The following LRP3 variants were observed in gnomAD, a reference collection of about 807,000 sequenced individuals.
LRP3 encodes low-density lipoprotein receptor-related protein 3.
In LRP3, 49 loss-of-function variants were observed where a neutral mutation model predicts 58.5. The observed-to-expected ratio is 0.84, with a 90% CI of 0.67 to 1.06. The LOEUF (loss-of-function observed/expected upper bound fraction) is 1.06, where lower values mean the gene tolerates loss of function less well. Among genes scored for constraint, LRP3 ranks in the 50% least tolerant of loss-of-function variants. The probability of loss-of-function intolerance (pLI) is 0.00; values close to 1 mark genes in which losing one functional copy is unlikely to be tolerated. For missense variants in LRP3, 1,019 were observed against 1,134.2 expected (o/e 0.90, Z 1.46); for synonymous variants, 485 against 492.2 (o/e 0.99, Z 0.20).
At position 33,206,037 on chromosome 19, in the gene LRP3, TG is replaced by T. The variant is rs1244195126; in HGVS notation, c.1268del (p.Cys423SerfsTer115). On this transcript the variant is annotated frameshift_variant, in exon 5 of 7. Coordinates refer to ENST00000253193, the MANE Select transcript of LRP3 (RefSeq NM_002333.4). LOFTEE classifies it high-confidence loss of function. ...CPACPPDQYP[C>X]EGGSGLCYTP... ...TGCCTGCCCGCCCGACCAGTACCCCTGCGAGGGTGGCAGTGGTCTGTGCTAC... is the reference window on the plus strand; with the variant it reads ...TGCCTGCCCGCCCGACCAGTACCCCTCGAGGGTGGCAGTGGTCTGTGCTAC... 1 of 1,594,616 alleles carries T rather than the reference TG, an allele frequency of 6.3e-7. No individual in the cohort carries two copies.
chr19:33,201,032 G>T (rs1165006392), intron 2 of LRP3, among the ~76,000 whole-genome samples: 1 of 152,208 alleles, frequency 6.6e-6, no homozygotes, highest in Non-Finnish European at 1.5e-5. Flanking sequence ...TCAGCTCTCA[G>T]CTCATGGCTC....
intron 1 of LRP3, 52 bp from the exon 2 acceptor site, chr19:33,196,678 G>A: frequency 1.3e-6 from 2 of 1,559,892 alleles, no homozygotes; most frequent in Non-Finnish European, 1.8e-6. Flanking sequence ...GGCTGCTGCT[G>A]GTCCCCAGCA....
rs1278500236 is a variant in LRP3 at position 33,205,913 on chromosome 19, T to A, written c.1143T>A (p.Ser381Arg). Residue 381 changes from serine (S) to arginine (R), a missense_variant, in exon 5 of 7, where the codon AGT becomes AGA. Coordinates refer to ENST00000253193, the MANE Select transcript of LRP3 (RefSeq NM_002333.4). ...WEQPCGSSSD[S>R]DGGSLGDQGC... is the part of the protein sequence containing the mutation. ...AGCCGTGCGGGAGCAGTAGTGACAG[T>A]GACGGGGGCAGCCTGGGCGACCAGG... is the stretch of plus-strand genomic sequence containing the variant. 9 of 1,604,628 alleles carry A rather than the reference T, an allele frequency of 5.6e-6. No individual in the cohort carries two copies. The highest frequency in any genetic ancestry group is 2.7e-5 in the African/African-American group (2 of 74,790).
rs1043146030 is a variant in LRP3 at position 33,208,613 on chromosome 19, C to T, written c.*1038C>T. 4.4e-5 allele frequency: 22 copies of T among 505,296 alleles called. No individual in the cohort carries two copies. The highest frequency in any genetic ancestry group is 4.1e-4 in the East Asian group (11 of 26,906). 31.3% of individuals were successfully genotyped at this position (505,296 alleles called of 1,614,324 possible). A position where few individuals can be genotyped will look rare whatever the true frequency, so the allele number is the denominator to read the frequency against. ...CAACATGTGTGCACCCACCGAGGTACGCCCCAGCCACTCCCATCTGTGCCC... is the reference window on the plus strand; with the variant it reads ...CAACATGTGTGCACCCACCGAGGTATGCCCCAGCCACTCCCATCTGTGCCC... On this transcript the variant is annotated 3_prime_UTR_variant, in exon 7 of 7. Transcript: ENST00000253193. The surrounding 1 kb of genome is among the most constrained non-coding windows in gnomAD (Gnocchi z 4.7).
rs1225926698 is a variant in LRP3 at position 33,194,748 on chromosome 19, G to C, written c.-38G>C. On this transcript the variant is annotated 5_prime_UTR_variant, in exon 1 of 7. Coordinates refer to ENST00000253193, the MANE Select transcript of LRP3 (RefSeq NM_002333.4). ...CAGCCGGAACCGGAGCCGGAGCCGC[G>C]GGGCAGGAGGCGGCGCCCGCGGGCG... The C allele has an allele frequency of 4.0e-6, 3 of 752,740 alleles. No homozygotes were observed. Among genetic ancestry groups the C allele is most frequent in the East Asian group, 1.4e-4 (1 of 6,976 alleles). The allele number at this position is 752,740 out of a possible 1,614,324, so 46.6% of individuals were successfully genotyped here.
At position 33,208,854 on chromosome 19, in the gene LRP3, G is replaced by A. The variant is rs1201611578; in HGVS notation, c.*1279G>A. The A allele has an allele frequency of 5.2e-6, 8 of 1,540,022 alleles. No individual in the cohort carries two copies. The highest frequency in any genetic ancestry group is 3.5e-5 in the Admixed American group (2 of 57,482). The stretch of plus-strand genomic sequence containing the variant: ...AAAACACCTCCTCAATAAACAACAT[G>A]TAAACAGAAACAACTGCTTCAGTCT... On this transcript the variant is annotated 3_prime_UTR_variant, in exon 7 of 7. Coordinates refer to ENST00000253193, the MANE Select transcript of LRP3 (RefSeq NM_002333.4). This position sits in a 1 kb window ranked among gnomAD's most constrained non-coding sequence, Gnocchi z 4.7.
intron 2 of LRP3, among the ~76,000 whole-genome samples, chr19:33,201,654 G>A (rs1198712811): frequency 6.6e-6 from 1 of 152,144 alleles, no homozygotes; most frequent in Non-Finnish European, 1.5e-5. Flanking sequence ...TCGGGAAAGG[G>A]GTCGTCCCTC....
At chr19:33,198,333 C>T (rs879713389) in intron 2 of LRP3, among the ~76,000 whole-genome samples, 33 of 152,314 alleles carry the variant, frequency 2.2e-4, no homozygotes, top group Middle Eastern at 3.4e-3. Context: ...CAAACTCCAA[C>T]GGCTGCTGTT....
At chr19:33,199,213 C>T (rs1169409533) in intron 2 of LRP3, among the ~76,000 whole-genome samples, 1 of 152,200 alleles carries the variant, frequency 6.6e-6, no homozygotes, top group African/African-American at 2.4e-5. Flanking sequence ...CACAGCCTGT[C>T]ATGAACCTCA....
At chr19:33,196,987 A>G (rs1974292725) in intron 2 of LRP3, among the ~76,000 whole-genome samples, 1 of 152,138 alleles carries the variant, frequency 6.6e-6, no homozygotes, top group Non-Finnish European at 1.5e-5. Context: ...AACAAGGTCT[A>G]CTCAAAACCT....
Position 33,208,637 on chromosome 19 carries a change from C to T in LRP3, c.*1062C>T. Reference sequence around the variant, plus strand: ...ACGCCCCAGCCACTCCCATCTGTGCCCATCAGGGACTCCCCATAGCACGAG... The same window carrying T: ...ACGCCCCAGCCACTCCCATCTGTGCTCATCAGGGACTCCCCATAGCACGAG... On this transcript the variant is annotated 3_prime_UTR_variant, in exon 7 of 7. Transcript: ENST00000253193. This position sits in a 1 kb window ranked among gnomAD's most constrained non-coding sequence, Gnocchi z 4.7. 1.8e-6 allele frequency: 1 copy of T among 547,696 alleles called. No individual in the cohort carries two copies. Among genetic ancestry groups the T allele is most frequent in the Non-Finnish European group, 3.2e-6 (1 of 308,312 alleles). 33.9% of individuals were successfully genotyped at this position (547,696 alleles called of 1,614,324 possible).
rs1555731375 is a variant in LRP3, at chr19:33,208,758, T to TC, written c.*1183_*1184insC. ...CCCAGTCCACATTTTAGGGCTTCCT[T>TC]AAACAGGCTTCTGAGAGTCGTATCT... On this transcript the variant is annotated 3_prime_UTR_variant, in exon 7 of 7. Coordinates refer to ENST00000253193, the MANE Select transcript of LRP3 (RefSeq NM_002333.4). The surrounding 1 kb of genome is among the most constrained non-coding windows in gnomAD (Gnocchi z 4.7). 4 of 1,260,668 alleles carry TC rather than the reference T, an allele frequency of 3.2e-6. No homozygotes were observed. The East Asian group carries it at 9.9e-5, about 31-fold the overall frequency. The allele number at this position is 1,260,668 out of a possible 1,614,324, so 78.1% of individuals were successfully genotyped here.
At chr19:33,201,100 G>C (rs896968000) in intron 2 of LRP3, among the ~76,000 whole-genome samples, 3 of 152,344 alleles carry the variant, frequency 2.0e-5, no homozygotes, top group Middle Eastern at 3.4e-3. Context: ...CATCTCTGGA[G>C]CACCTGCCAT....
Position 33,207,113 on chromosome 19 carries a change from G to A in LRP3, c.1851G>A (p.Ala617=), listed in dbSNP as rs1007435788. Residue 617 remains alanine, a synonymous_variant, in exon 7 of 7, where the codon GCG becomes GCA. Coordinates refer to ENST00000253193, the MANE Select transcript of LRP3 (RefSeq NM_002333.4). Reference sequence around the variant, plus strand: ...ACCGGCTCTTTCACCGGCCGCGGGCGCCCCGAGGCCAGATCCCACTGCTGA... The same window carrying A: ...ACCGGCTCTTTCACCGGCCGCGGGCACCCCGAGGCCAGATCCCACTGCTGA... ...LWNRLFHRPR[A]PRGQIPLLTA... The A allele has an allele frequency of 2.6e-6, 4 of 1,525,050 alleles. No homozygotes were observed. Among genetic ancestry groups the A allele is most frequent in the African/African-American group, 2.8e-5 (2 of 71,716 alleles). 94.5% of individuals were successfully genotyped at this position (1,525,050 alleles called of 1,614,324 possible). A position where few individuals can be genotyped will look rare whatever the true frequency, so the allele number is the denominator to read the frequency against.
chr19:33,206,253 C>A lies in LRP3; in HGVS notation c.1483C>A (p.Arg495Ser). Residue 495 changes from arginine to serine, a missense_variant, in exon 5 of 7, where the codon CGC becomes AGC. Arg to Ser is a moderately radical substitution (Grantham distance 110). This residue lies in a region of LRP3 where 427 missense variants were observed against 408.6 expected (regional missense o/e 1.04). Coordinates refer to ENST00000253193, the MANE Select transcript of LRP3 (RefSeq NM_002333.4). ...DEHGCLAAVPRKVITAALIGS... is the reference protein window; with the variant it reads ...DEHGCLAAVPSKVITAALIGS... The stretch of plus-strand genomic sequence containing the variant: ...GCATGGGTGCCTGGCCGCCGTGCCC[C>A]GCAAGGTCATCACGGCGGCGCTCAT... The A allele has an allele frequency of 1.9e-6, 3 of 1,598,802 alleles. No homozygotes were observed. The highest frequency in any genetic ancestry group is 1.1e-5 in the South Asian group (1 of 90,536).
rs1024157601 is a variant in LRP3 at position 33,194,663 on chromosome 19, G to GAGCCCGAGCCCT, written c.-111_-100dup. On this transcript the variant is annotated 5_prime_UTR_variant, in exon 1 of 7. Transcript: ENST00000253193. Reference sequence around the variant, plus strand: ...CGGGCCGCAGCAGCCACGCCAGCCGGAGCCCGAGCCCTAGCCCGAGCCCGA... The same window carrying GAGCCCGAGCCCT: ...CGGGCCGCAGCAGCCACGCCAGCCGGAGCCCGAGCCCTAGCCCGAGCCCTAGCCCGAGCCCGA... 48 of 203,110 alleles carry GAGCCCGAGCCCT rather than the reference G, an allele frequency of 2.4e-4. No individual in the cohort carries two copies. The South Asian group carries it at 2.4e-3, about 10-fold the overall frequency. The allele number at this position is 203,110 out of a possible 1,614,324, so 12.6% of individuals were successfully genotyped here. A position where few individuals can be genotyped will look rare whatever the true frequency, so the allele number is the denominator to read the frequency against.
intron 2 of LRP3, among the ~76,000 whole-genome samples, chr19:33,202,419 A>G (rs1241871981): frequency 6.6e-6 from 1 of 152,230 alleles, no homozygotes; most frequent in Non-Finnish European, 1.5e-5. Flanking sequence ...TGAGTGAGCA[A>G]AGCCTCAGGG....
chr19:33,195,428 C>A (rs1295134023), intron 1 of LRP3, among the ~76,000 whole-genome samples: 1 of 152,064 alleles, frequency 6.6e-6, no homozygotes, highest in Non-Finnish European at 1.5e-5. Flanking sequence ...CAAGGCCAGG[C>A]ATGGGGTGGG....
intron 1 of LRP3, 101 bp downstream of exon 1, chr19:33,194,959 C>T: frequency 1.9e-6 from 1 of 527,582 alleles, no homozygotes; most frequent in Non-Finnish European, 2.6e-6. Context: ...CCCGAGCCCC[C>T]CACCGCGGTG....
Sources: allele counts gnomAD v4.1 joint callset (sites outside exome capture counted in the v4.1 genomes callset), GRCh38; gene constraint gnomAD v4.1.1; regional missense constraint gnomAD v4.1.1; non-coding constraint Gnocchi (gnomAD v3.1); transcripts MANE v1.5; gene names NCBI Gene and HGNC (gene_info 2026-07-23, HGNC 2026-07-21).